Variants in NUBPL observed in about 807,000 individuals in gnomAD.
NUBPL encodes NUBP iron-sulfur cluster assembly factor, mitochondrial.
A neutral mutation model predicts 45.7 loss-of-function variants in NUBPL; 31 were observed. The ratio of observed to expected loss-of-function variants is 0.68; its 90% CI spans 0.51 to 0.92. The LOEUF (loss-of-function observed/expected upper bound fraction) is 0.92. Ranked by LOEUF, NUBPL falls within the 40% of genes least tolerant of loss-of-function variation. NUBPL has a pLI of 0.00. For missense variants in NUBPL, 401 were observed against 398.7 expected (o/e 1.01, Z -0.05); for synonymous variants, 144 against 140.9 (o/e 1.02, Z -0.15).
intron 4 of NUBPL, among the ~76,000 whole-genome samples, chr14:31,620,179 T>A (rs892839342): frequency 3.9e-5 from 6 of 152,190 alleles, no homozygotes; most frequent in South Asian, 2.1e-4. Context: ...TAGCAATTCA[T>A]CTGACGTTTT....
intron 10 of NUBPL, among the ~76,000 whole-genome samples, chr14:31,857,366 G>A (rs1214746122): frequency 6.6e-6 from 1 of 152,154 alleles, no homozygotes; most frequent in East Asian, 1.9e-4. Flanking sequence ...CCTGTGATGG[G>A]AGAGGCTGCC....
chr14:31,699,731 T>C (rs1005571405), intron 6 of NUBPL, among the ~76,000 whole-genome samples: 9 of 152,232 alleles, frequency 5.9e-5, no homozygotes, highest in Non-Finnish European at 1.5e-5. Flanking sequence ...TTATAAGACA[T>C]TTCTGAGTGA....
chr14:31,636,255 G>A (rs7140603), intron 4 of NUBPL, among the ~76,000 whole-genome samples: 3 of 150,782 alleles, frequency 2.0e-5, no homozygotes, highest in South Asian at 2.1e-4. Flanking sequence ...ATTATTTTGA[G>A]ATACGTCCCA....
chr14:31,643,795 G>C (rs752567130), intron 4 of NUBPL, among the ~76,000 whole-genome samples: 1 of 151,898 alleles, frequency 6.6e-6, no homozygotes, highest in Non-Finnish European at 1.5e-5. Context: ...TTTGGTGGGA[G>C]ACTCTTTATT....
intron 6 of NUBPL, among the ~76,000 whole-genome samples, chr14:31,746,763 T>C (rs2038407548): frequency 6.6e-6 from 1 of 151,748 alleles, no homozygotes; most frequent in Non-Finnish European, 1.5e-5. Context: ...GAGGAATTGG[T>C]GTTAGTTCTT....
In NUBPL at chr14:31,608,760, G is replaced by A. The variant is rs941641723; in HGVS notation, c.382+9381G>A. Among the ~76,000 whole-genome samples, 5 of 152,062 alleles carry A rather than the reference G, an allele frequency of 3.3e-5. No homozygotes were observed. In the East Asian group the frequency reaches 9.6e-4, roughly 29 times the overall value. ...TGCTGCCACTGATCTGACAGGAGGCGGAACTCAGACAGTAATGTTCCCTTG... is the reference window on the plus strand; with the variant it reads ...TGCTGCCACTGATCTGACAGGAGGCAGAACTCAGACAGTAATGTTCCCTTG... On this transcript the variant is annotated intron_variant, in intron 4 of 10. Coordinates refer to ENST00000281081, the MANE Select transcript of NUBPL (RefSeq NM_025152.3).
intron 6 of NUBPL, among the ~76,000 whole-genome samples, chr14:31,759,552 G>T (rs1163967355): frequency 6.6e-6 from 1 of 151,838 alleles, no homozygotes; most frequent in African/African-American, 2.4e-5. Context: ...GCATTTTTTT[G>T]TGGAGAGAAC....
At chr14:31,632,528 C>T (rs1275110561) in intron 4 of NUBPL, among the ~76,000 whole-genome samples, 1 of 152,172 alleles carries the variant, frequency 6.6e-6, no homozygotes, top group Non-Finnish European at 1.5e-5. Context: ...GAGTAGCTGC[C>T]TGGCCCCTTT....
At chr14:31,758,162 G>T (rs904269890) in intron 6 of NUBPL, among the ~76,000 whole-genome samples, 5 of 152,058 alleles carry the variant, frequency 3.3e-5, no homozygotes, top group African/African-American at 1.2e-4. Context: ...TTCCATGGTG[G>T]TGATGCTGTC....
chr14:31,795,176 G>A (rs1234510780), intron 7 of NUBPL, among the ~76,000 whole-genome samples: 1 of 151,082 alleles, frequency 6.6e-6, no homozygotes, highest in Admixed American at 6.6e-5. Context: ...GATGCCTCCA[G>A]CTTTGTTCTT....
intron 4 of NUBPL, among the ~76,000 whole-genome samples, chr14:31,643,129 A>G (rs187087551): frequency 1.9e-3 from 283 of 152,122 alleles, no homozygotes; most frequent in African/African-American, 6.6e-3. Flanking sequence ...TTCCTTTCCA[A>G]TTTGTATATG....
chr14:31,681,958 C>A (rs375433467), intron 6 of NUBPL, among the ~76,000 whole-genome samples: 1 of 152,076 alleles, frequency 6.6e-6, no homozygotes, highest in South Asian at 2.1e-4. Context: ...AGCATGCGAT[C>A]CATCTTTGTG....
At chr14:31,593,513 C>CAAAAAAAAAA in intron 3 of NUBPL, among the ~76,000 whole-genome samples, 1 of 75,188 alleles carries the variant, frequency 1.3e-5, no homozygotes, top group Non-Finnish European at 2.2e-5. Context: ...GCTTCCGTCT[C>CAAAAAAAAAA]AAAAAAAAAA....
intron 6 of NUBPL, among the ~76,000 whole-genome samples, chr14:31,680,804 CAAGAT>C (rs1382045979): frequency 2.0e-5 from 3 of 151,962 alleles, no homozygotes; most frequent in South Asian, 2.1e-4. Flanking sequence ...AGAATAATGA[CAAGAT>C]AAGTCTGTAC....
At chr14:31,750,173 TTATTA>T (rs1290640718) in intron 6 of NUBPL, among the ~76,000 whole-genome samples, 1 of 48,794 alleles carries the variant, frequency 2.0e-5, no homozygotes, top group African/African-American at 4.7e-5. Context: ...ACAATCATTA[TTATTA>T]TTTTTTTTTT....
intron 10 of NUBPL, among the ~76,000 whole-genome samples, chr14:31,853,631 T>C (rs148300370): frequency 3.7e-4 from 57 of 152,316 alleles, no homozygotes; most frequent in African/African-American, 1.3e-3. Context: ...AGATATGAAT[T>C]GTGGTGAATT....
chr14:31,846,824 C>T (rs879555484), intron 9 of NUBPL, among the ~76,000 whole-genome samples: 9 of 151,898 alleles, frequency 5.9e-5, no homozygotes, highest in Non-Finnish European at 8.8e-5. Flanking sequence ...GGCGTGGTGG[C>T]GGGCGCCTGC....
intron 7 of NUBPL, among the ~76,000 whole-genome samples, chr14:31,818,067 AAAG>A (rs1383616490): frequency 2.0e-5 from 3 of 152,218 alleles, no homozygotes; most frequent in Non-Finnish European, 4.4e-5. Context: ...TTAAAAAGAC[AAAG>A]AAGGGCATTA....
intron 6 of NUBPL, among the ~76,000 whole-genome samples, chr14:31,752,436 G>T (rs951223354): frequency 7.2e-5 from 11 of 152,164 alleles, no homozygotes; most frequent in Non-Finnish European, 1.3e-4. Context: ...GAGATCCCCA[G>T]ATCTCTGAGG....
Sources: gnomAD v4.1 joint callset for allele counts (sites outside exome capture counted in the v4.1 genomes callset) on GRCh38, gnomAD v4.1.1 for gene constraint, MANE v1.5 for transcripts, NCBI Gene and HGNC (gene_info 2026-07-23, HGNC 2026-07-21) for gene names.